LRRTM4: variants seen among roughly 807,000 people sequenced by gnomAD.
LRRTM4 encodes the protein leucine-rich repeat transmembrane neuronal protein 4.
Under a neutral mutation model 47.6 loss-of-function variants are expected in LRRTM4, and 25 were observed. That is an observed-to-expected ratio of 0.53 (90% CI 0.38 to 0.73). The LOEUF is 0.73. LRRTM4 is among the 30% of genes least tolerant of loss of function. LRRTM4 has a pLI of 0.00. For synonymous variants in LRRTM4, 311 were observed against 269.5 expected (o/e 1.15, Z -1.51); for missense variants, 638 against 713.4 (o/e 0.89, Z 1.20).
intron 3 of LRRTM4, among the ~76,000 whole-genome samples, chr2:77,144,445 A>C (rs1315816682): frequency 2.0e-5 from 3 of 152,120 alleles, no homozygotes; most frequent in Admixed American, 2.0e-4. Flanking sequence ...GGGGTCAAAA[A>C]TAAAAACATT....
chr2:77,036,352 T>G (rs1202221846), intron 3 of LRRTM4, among the ~76,000 whole-genome samples: 1 of 151,770 alleles, frequency 6.6e-6, no homozygotes, highest in African/African-American at 2.4e-5. Flanking sequence ...TTATCCTAGT[T>G]TAGGGTATTT....
chr2:77,125,029 T>C (rs1671617982), intron 3 of LRRTM4, among the ~76,000 whole-genome samples: 1 of 152,172 alleles, frequency 6.6e-6, no homozygotes, highest in South Asian at 2.1e-4. Context: ...TGAATCATAG[T>C]TCCATAAAAG....
chr2:76,916,654 C>T (rs1205567365), intron 3 of LRRTM4, among the ~76,000 whole-genome samples: 1 of 152,102 alleles, frequency 6.6e-6, no homozygotes, highest in Non-Finnish European at 1.5e-5. Context: ...AAGCCTCAAA[C>T]AAACCAATGC....
chr2:76,817,618 G>T (rs774194871), intron 3 of LRRTM4, among the ~76,000 whole-genome samples: 28 of 151,990 alleles, frequency 1.8e-4, no homozygotes, highest in Non-Finnish European at 1.6e-4. Context: ...CTTGGCACCA[G>T]AAGTTCTGGG....
At chr2:77,248,566 A>G (rs1413868828) in intron 3 of LRRTM4, among the ~76,000 whole-genome samples, 4 of 152,064 alleles carry the variant, frequency 2.6e-5, no homozygotes, top group Non-Finnish European at 4.4e-5. Flanking sequence ...ATACAGACAG[A>G]TAAAAGACAC....
intron 3 of LRRTM4, among the ~76,000 whole-genome samples, chr2:77,493,957 G>A (rs187699405): frequency 5.9e-5 from 9 of 152,082 alleles, no homozygotes; most frequent in South Asian, 4.1e-4. Context: ...ATCGTACCAC[G>A]CTTTACCATG....
At chr2:77,332,135 G>A (rs1257393206) in intron 3 of LRRTM4, among the ~76,000 whole-genome samples, 1 of 152,048 alleles carries the variant, frequency 6.6e-6, no homozygotes, top group African/African-American at 2.4e-5. Context: ...TTCTGGATTG[G>A]ATTTCTTTGA....
At chr2:77,315,364 A>G (rs1382292841) in intron 3 of LRRTM4, among the ~76,000 whole-genome samples, 3 of 152,184 alleles carry the variant, frequency 2.0e-5, no homozygotes, top group African/African-American at 7.2e-5. Context: ...TTGCTCATTC[A>G]TATAATACAT....
At chr2:77,379,773 G>A (rs1672982509) in intron 3 of LRRTM4, among the ~76,000 whole-genome samples, 1 of 151,890 alleles carries the variant, frequency 6.6e-6, no homozygotes, top group Admixed American at 6.6e-5. Flanking sequence ...ACAGAAGGCT[G>A]GTAATTATTT....
At chr2:77,086,989 C>A (rs1298489887) in intron 3 of LRRTM4, among the ~76,000 whole-genome samples, 2 of 150,390 alleles carry the variant, frequency 1.3e-5, no homozygotes, top group African/African-American at 4.8e-5. Flanking sequence ...ACCTTTTAAA[C>A]CTTGTAGCTG....
intron 3 of LRRTM4, among the ~76,000 whole-genome samples, chr2:76,980,697 T>C (rs1218625363): frequency 2.0e-5 from 3 of 152,016 alleles, no homozygotes; most frequent in Non-Finnish European, 2.9e-5. Flanking sequence ...TCGAGAGTAA[T>C]GGCTCCTGAA....
chr2:77,215,615 G>A (rs1674415021), intron 3 of LRRTM4, among the ~76,000 whole-genome samples: 2 of 151,950 alleles, frequency 1.3e-5, no homozygotes, highest in Admixed American at 1.3e-4. Flanking sequence ...TTATTTTTGG[G>A]GTGAAACTTT....
chr2:77,062,943 A>T (rs1223022041), intron 3 of LRRTM4, among the ~76,000 whole-genome samples: 1 of 141,968 alleles, frequency 7.0e-6, no homozygotes. Flanking sequence ...TCTTTTTTAA[A>T]ATTATTATTA....
intron 3 of LRRTM4, among the ~76,000 whole-genome samples, chr2:76,811,607 G>T (rs906980518): frequency 2.0e-5 from 3 of 152,176 alleles, no homozygotes; most frequent in East Asian, 1.9e-4. Flanking sequence ...GTACATGTCA[G>T]CAGGTGAGTG....
At chr2:77,378,387 T>G (rs1410520271) in intron 3 of LRRTM4, among the ~76,000 whole-genome samples, 1 of 152,122 alleles carries the variant, frequency 6.6e-6, no homozygotes, top group Non-Finnish European at 1.5e-5. Flanking sequence ...TATAATTTTA[T>G]TTTGAAAGCT....
intron 3 of LRRTM4, among the ~76,000 whole-genome samples, chr2:77,413,843 TACAC>T (rs60861644): frequency 0.5 from 75,699 of 150,248 alleles, 22,066 homozygotes; most frequent in Non-Finnish European, 0.67. Context: ...TCTAGTTTTA[TACAC>T]ACACACACAC....
chr2:76,898,475 C>T (rs1204235584), intron 3 of LRRTM4, among the ~76,000 whole-genome samples: 2 of 149,614 alleles, frequency 1.3e-5, no homozygotes, highest in Non-Finnish European at 3.0e-5. Context: ...ATCGCTTGAA[C>T]CCAGGAGGTG....
intron 3 of LRRTM4, chr2:77,517,383 T>C (rs984150291): frequency 2.0e-6 from 2 of 981,890 alleles, no homozygotes; most frequent in Admixed American, 1.2e-4. Context: ...TCACTTATTT[T>C]TTAATAAGTT....
chr2:77,210,433 T>G (rs1674258518), intron 3 of LRRTM4, among the ~76,000 whole-genome samples: 1 of 152,190 alleles, frequency 6.6e-6, no homozygotes, highest in Non-Finnish European at 1.5e-5. Context: ...ATGGCAACAT[T>G]AAAAATAGTT....
Sources: gnomAD v4.1 joint callset for allele counts (sites outside exome capture counted in the v4.1 genomes callset) on GRCh38, gnomAD v4.1.1 for gene constraint, MANE v1.5 for transcripts, NCBI Gene and HGNC (gene_info 2026-07-23, HGNC 2026-07-21) for gene names.